SCIN: variants seen among roughly 807,000 people sequenced by gnomAD.
The protein encoded by SCIN is adseverin.
SCIN carries 91 observed loss-of-function variants against 91.8 expected under a neutral mutation model. That is an observed-to-expected ratio of 0.99 (90% CI 0.84 to 1.18). SCIN has a LOEUF of 1.18. Ranked by LOEUF, SCIN falls within the 50% of genes most tolerant of loss-of-function variation. The probability of loss-of-function intolerance (pLI) is 0.00; values close to 1 mark genes in which losing one functional copy is unlikely to be tolerated. For synonymous variants in SCIN, 367 were observed against 312.6 expected (o/e 1.17, Z -1.84); for missense variants, 1,087 against 863.9 (o/e 1.26, Z -3.24).
intron 6 of SCIN, 49 bp downstream of exon 6, chr7:12,625,191 C>CCTTATAGAGGAAATA: frequency 6.8e-7 from 1 of 1,480,364 alleles, no homozygotes; most frequent in Non-Finnish European, 9.2e-7. Flanking sequence ...TAGATATTTC[C>CCTTATAGAGGAAATA]TCTATAAGGG....
chr7:12,600,510 TAAAACA>T (rs1477380869), intron 3 of SCIN, among the ~76,000 whole-genome samples: 8 of 152,196 alleles, frequency 5.3e-5, no homozygotes, highest in Admixed American at 1.3e-4. Context: ...ATTAAAAATT[TAAAACA>T]AAAACAAAGA....
rs569646442 is a variant in SCIN, at chr7:12,633,436, G to A, written c.1320-2609G>A. 2.6e-5 allele frequency among the ~76,000 whole-genome samples: 4 copies of A among 152,300 alleles called. No individual in the cohort carries two copies. In the South Asian group the frequency reaches 6.2e-4, roughly 24 times the overall value. On this transcript the variant is annotated intron_variant, in intron 9 of 15. Coordinates refer to ENST00000297029, the MANE Select transcript of SCIN (RefSeq NM_001112706.3). ...ACAATTTCAGAATTAGAAACAAAGA[G>A]TGACTGCGTTATTTCTTGATTGGAG...
intron 15 of SCIN, 139 bp downstream of exon 15, chr7:12,652,040 A>G (rs903784011): frequency 1.7e-6 from 1 of 592,338 alleles, no homozygotes; most frequent in African/African-American, 1.9e-5. Context: ...TCAAAACTAA[A>G]GAGTAATGGG....
intron 10 of SCIN, among the ~76,000 whole-genome samples, chr7:12,637,898 A>G (rs1783784223): frequency 6.6e-6 from 1 of 152,146 alleles, no homozygotes; most frequent in East Asian, 1.9e-4. Context: ...GGAAGAGATA[A>G]TATGCTGTTT....
intron 3 of SCIN, among the ~76,000 whole-genome samples, chr7:12,581,539 A>G (rs1782488535): frequency 2.0e-5 from 3 of 152,158 alleles, no homozygotes; most frequent in Admixed American, 2.0e-4. Flanking sequence ...TGCATGGGAA[A>G]ACATAGCTTG....
intron 9 of SCIN, among the ~76,000 whole-genome samples, chr7:12,631,443 C>T (rs1783641443): frequency 6.6e-6 from 1 of 152,106 alleles, no homozygotes; most frequent in African/African-American, 2.4e-5. Flanking sequence ...AATATTTGTA[C>T]CCTCTAGAAC....
In SCIN at chr7:12,654,950, T is replaced by A. The variant is rs1163954186; in HGVS notation, c.*2235T>A. The A allele has an allele frequency of 9.2e-5, 14 of 152,154 alleles. No homozygotes were observed. 9.4% of individuals were successfully genotyped at this position (152,154 alleles called of 1,614,324 possible). A position where few individuals can be genotyped will look rare whatever the true frequency, so the allele number is the denominator to read the frequency against. Reference sequence around the variant, plus strand: ...CAAAGATGCATGTACTCATGAAGCATAAAATTAAAAATATGATACATTCAC... The same window carrying A: ...CAAAGATGCATGTACTCATGAAGCAAAAAATTAAAAATATGATACATTCAC... On this transcript the variant is annotated 3_prime_UTR_variant, in exon 16 of 16. Transcript: ENST00000297029.
chr7:12,571,940 C>A (rs1782280148), intron 1 of SCIN, among the ~76,000 whole-genome samples: 1 of 152,136 alleles, frequency 6.6e-6, no homozygotes, highest in Non-Finnish European at 1.5e-5. Flanking sequence ...ATTCTCTGAG[C>A]CTTTTTGCCT....
Position 12,570,986 on chromosome 7 carries a change from G to A in SCIN, c.199+1G>A. Reference sequence around the variant, plus strand: ...ACCTACCACCTGCACTTCTGGCTCGGTAAGGGACGGCGGGCGGCGGGACCC... The same window carrying A: ...ACCTACCACCTGCACTTCTGGCTCGATAAGGGACGGCGGGCGGCGGGACCC... On this transcript the variant is annotated splice_donor_variant, in intron 1 of 15. Transcript: ENST00000297029. LOFTEE classifies it high-confidence loss of function. The A allele has an allele frequency of 6.5e-7, 1 of 1,547,850 alleles. No individual in the cohort carries two copies. Among genetic ancestry groups the A allele is most frequent in the Non-Finnish European group, 8.7e-7 (1 of 1,144,500 alleles).
Position 12,654,543 on chromosome 7 carries a change from ATATT to A in SCIN, c.*1832_*1835del, listed in dbSNP as rs1784137138. ...ATTGAGTGAAAAATAATTTTTAAAA[ATATT>A]TATAAATATCTTCTGGGTCAAGCTG... On this transcript the variant is annotated 3_prime_UTR_variant, in exon 16 of 16. Coordinates refer to ENST00000297029, the MANE Select transcript of SCIN (RefSeq NM_001112706.3). 6.6e-6 allele frequency: 1 copy of A among 152,204 alleles called. No individual in the cohort carries two copies. The highest frequency in any genetic ancestry group is 2.4e-5 in the African/African-American group (1 of 41,456). 9.4% of individuals were successfully genotyped at this position (152,204 alleles called of 1,614,324 possible).
Position 12,604,921 on chromosome 7 carries a change from T to C in SCIN, c.666+258T>C, listed in dbSNP as rs1167039665. ...AAAGGAGCCCTGGGCCTATCTTCTA[T>C]AGTATATGAGGTGAAACAAATGAGT... is the stretch of plus-strand genomic sequence containing the variant. On this transcript the variant is annotated intron_variant, in intron 4 of 15. Transcript: ENST00000297029. Among the ~76,000 whole-genome samples the C allele has an allele frequency of 2.0e-5, 3 of 152,162 alleles. No individual in the cohort carries two copies. In the East Asian group the frequency reaches 5.8e-4, roughly 29 times the overall value.
At chr7:12,626,277 T>C (rs1783520345) in intron 7 of SCIN, 4 of 354,090 alleles carry the variant, frequency 1.1e-5, no homozygotes, top group Non-Finnish European at 2.0e-5. Flanking sequence ...CTCATTTTTA[T>C]GTCCCTGCAC....
At chr7:12,629,360 C>A (rs1783597584) in intron 9 of SCIN, 138 bp downstream of exon 9, 1 of 796,068 alleles carries the variant, frequency 1.3e-6, no homozygotes, top group East Asian at 3.0e-5. Context: ...ATAGTATTTT[C>A]TTTTTACATG....
intron 4 of SCIN, among the ~76,000 whole-genome samples, chr7:12,610,333 T>C (rs766560331): frequency 2.6e-5 from 4 of 152,260 alleles, no homozygotes; most frequent in African/African-American, 4.8e-5. Flanking sequence ...GTGAAGATAG[T>C]TCTTAAGTTA....
intron 3 of SCIN, chr7:12,589,533 T>C (rs1782673161): frequency 6.6e-6 from 1 of 152,328 alleles, no homozygotes; most frequent in Non-Finnish European, 1.5e-5. Context: ...AGAAGCTTTT[T>C]CATTTATTCG....
Position 12,657,759 on chromosome 7 carries a change from C to T in SCIN, c.*5044C>T, listed in dbSNP as rs1239973556. ...AAAGCAGCCAAGTATTATTTGACAA[C>T]ATCAGTCCCTTATTAAGATGTTATT... On this transcript the variant is annotated 3_prime_UTR_variant, in exon 16 of 16. Transcript: ENST00000297029. 1 of 151,080 alleles carries T rather than the reference C, an allele frequency of 6.6e-6. No individual in the cohort carries two copies. Among genetic ancestry groups the T allele is most frequent in the Middle Eastern group, 3.5e-3 (1 of 288 alleles). The allele number at this position is 151,080 out of a possible 1,614,324, so 9.4% of individuals were successfully genotyped here. A position where few individuals can be genotyped will look rare whatever the true frequency, so the allele number is the denominator to read the frequency against.
chr7:12,645,791 T>C (rs932298643), intron 13 of SCIN, among the ~76,000 whole-genome samples: 3 of 152,220 alleles, frequency 2.0e-5, no homozygotes, highest in East Asian at 1.9e-4. Context: ...ATTAATGATA[T>C]AATTAATGTG....
intron 4 of SCIN, among the ~76,000 whole-genome samples, chr7:12,607,649 T>A (rs1432437728): frequency 6.6e-6 from 1 of 152,244 alleles, no homozygotes; most frequent in Non-Finnish European, 1.5e-5. Context: ...ATTCAGTGTC[T>A]ATACTACATT....
chr7:12,627,642 C>T (rs111676689), intron 8 of SCIN, among the ~76,000 whole-genome samples: 3 of 152,116 alleles, frequency 2.0e-5, no homozygotes, highest in Non-Finnish European at 4.4e-5. Flanking sequence ...TGAATCTAAG[C>T]GGCATGGGTG....
Sources: allele counts gnomAD v4.1 joint callset (sites outside exome capture counted in the v4.1 genomes callset), GRCh38; gene constraint gnomAD v4.1.1; transcripts MANE v1.5; gene names NCBI Gene and HGNC (gene_info 2026-07-23, HGNC 2026-07-21).